LRRK2: variants seen among roughly 807,000 people sequenced by gnomAD.
LRRK2 encodes the protein leucine-rich repeat serine/threonine-protein kinase 2.
Under a neutral mutation model 302.6 loss-of-function variants are expected in LRRK2, and 203 were observed. The observed-to-expected ratio is 0.67, with a 90% confidence interval of 0.60 to 0.75. LRRK2 has a LOEUF of 0.75. Among genes scored for constraint, LRRK2 ranks in the 30% least tolerant of loss-of-function variants. The pLI, the probability that LRRK2 is intolerant of heterozygous loss-of-function variation, is 0.00. For missense variants in LRRK2, 2,830 were observed against 2,951.0 expected (o/e 0.96, Z 0.95); for synonymous variants, 1,066 against 1,031.9 (o/e 1.03, Z -0.63).
intron 41 of LRRK2, among the ~76,000 whole-genome samples, chr12:40,341,804 C>T (rs751926130): frequency 3.3e-5 from 5 of 152,190 alleles, no homozygotes; most frequent in Non-Finnish European, 5.9e-5. Context: ...TCTATAGTCT[C>T]TCCTAAACCA....
chr12:40,335,104 C>A lies in LRRK2; in HGVS notation c.5895C>A (p.Ser1965Arg). The change falls in exon 40 of 51, where the codon AGC (serine) becomes AGA (arginine). Residue 1965 changes from serine (S) to arginine (R), a missense_variant. Physicochemically the swap from Ser to Arg is moderately radical, Grantham distance 110 (BLOSUM62 -1). Around this residue, in one of 3 missense-constraint regions of LRRK2, gnomAD observed 253 missense variants for 346.7 expected, o/e 0.73. Transcript: ENST00000298910. ...LDRLLQQDKA[S>R]LTRTLQHRIA... ...GCCTGCTTCAGCAGGACAAAGCCAG[C>A]CTCACTAGAACCCTACAGCACAGGA... 1 of 1,614,042 alleles carries A rather than the reference C, an allele frequency of 6.2e-7. No homozygotes were observed. Among genetic ancestry groups the A allele is most frequent in the Admixed American group, 1.7e-5 (1 of 59,994 alleles).
intron 39 of LRRK2, among the ~76,000 whole-genome samples, chr12:40,334,343 C>A (rs924662758): frequency 1.3e-5 from 2 of 152,136 alleles, no homozygotes; most frequent in African/African-American, 4.8e-5. Flanking sequence ...GTACAGTTGA[C>A]CCTTGAAAAA....
intron 4 of LRRK2, among the ~76,000 whole-genome samples, chr12:40,236,291 A>G (rs970898295): frequency 6.6e-6 from 1 of 152,150 alleles, no homozygotes; most frequent in Non-Finnish European, 1.5e-5. Context: ...GAATCTGAAA[A>G]CACCCCTTGA....
intron 49 of LRRK2, chr12:40,366,357 C>G (rs1044284536): frequency 3.9e-5 from 6 of 151,920 alleles, no homozygotes; most frequent in African/African-American, 1.5e-4. Flanking sequence ...GGTCAAAGTT[C>G]CCGCTTTGGG....
At chr12:40,280,883 G>A (rs147452939) in intron 18 of LRRK2, among the ~76,000 whole-genome samples, 1,521 of 151,418 alleles carry the variant, frequency 0.01, 28 homozygotes, top group African/African-American at 0.035. Flanking sequence ...TGGCTAACCC[G>A]GTGAAACCTT....
intron 10 of LRRK2, 22 bp downstream of exon 10, chr12:40,251,566 T>G: frequency 6.4e-7 from 1 of 1,570,850 alleles, no homozygotes; most frequent in South Asian, 1.1e-5. Flanking sequence ...TGATTTTATA[T>G]GATAGAAAAT....
rs373994974 is a variant in LRRK2 at position 40,314,301 on chromosome 12, A to AT, written c.4738+135dup. 17 of 946,682 alleles carry AT rather than the reference A, an allele frequency of 1.8e-5. No individual in the cohort carries two copies. In the East Asian group the frequency reaches 2.9e-4, roughly 16 times the overall value. The allele number at this position is 946,682 out of a possible 1,614,324, so 58.6% of individuals were successfully genotyped here. A position where few individuals can be genotyped will look rare whatever the true frequency, so the allele number is the denominator to read the frequency against. ...CATACGGTTCTTTAATAGGCCACTG[A>AT]TTTTTTTCTTTTTGGAAGATCATCA... On this transcript the variant is annotated intron_variant, in intron 32 of 50. Coordinates refer to ENST00000298910, the MANE Select transcript of LRRK2 (RefSeq NM_198578.4).
intron 25 of LRRK2, among the ~76,000 whole-genome samples, chr12:40,302,109 C>T (rs1355811414): frequency 6.6e-6 from 1 of 151,876 alleles, no homozygotes; most frequent in Admixed American, 6.6e-5. Context: ...ACCTGGGAGG[C>T]GGAGATTGCA....
intron 20 of LRRK2, among the ~76,000 whole-genome samples, chr12:40,289,709 G>A (rs1257205001): frequency 1.3e-5 from 2 of 151,470 alleles, no homozygotes; most frequent in African/African-American, 2.4e-5. Context: ...AGATGGTATT[G>A]TATTTGAATT....
intron 39 of LRRK2, among the ~76,000 whole-genome samples, chr12:40,333,665 A>G (rs1193108648): frequency 6.7e-6 from 1 of 150,024 alleles, no homozygotes; most frequent in African/African-American, 2.4e-5. Context: ...CCAAGCCAAA[A>G]TGATATCTCG....
At chr12:40,281,927 AAGG>A (rs1943713234) in intron 18 of LRRK2, among the ~76,000 whole-genome samples, 1 of 152,178 alleles carries the variant, frequency 6.6e-6, no homozygotes, top group African/African-American at 2.4e-5. Context: ...AGTACAAAGT[AAGG>A]AGTGAATGGC....
chr12:40,335,091 A>G lies in LRRK2; in HGVS notation c.5882A>G (p.Gln1961Arg), dbSNP rs769548285. 3.7e-6 allele frequency: 6 copies of G among 1,613,966 alleles called. No individual in the cohort carries two copies. In the Admixed American group the frequency reaches 8.3e-5, roughly 22 times the overall value. ...GGTTCCTTGGATCGCCTGCTTCAGC[A>G]GGACAAAGCCAGCCTCACTAGAACC... The part of the protein sequence containing the change: ...SKGSLDRLLQ[Q>R]DKASLTRTLQ... Residue 1961 changes from glutamine to arginine, a missense_variant, in exon 40 of 51, where the codon CAG (glutamine) becomes CGG (arginine). Transcript: ENST00000298910.
chr12:40,339,504 T>C (rs1945972062), intron 40 of LRRK2, among the ~76,000 whole-genome samples: 1 of 152,220 alleles, frequency 6.6e-6, no homozygotes. Context: ...TTTTACTCTT[T>C]GCCTGAAATG....
chr12:40,309,318 T>C, intron 30 of LRRK2, 85 bp downstream of exon 30: 1 of 1,502,432 alleles, frequency 6.7e-7, no homozygotes, highest in Non-Finnish European at 9.0e-7. Flanking sequence ...TAATTTATTT[T>C]GGGCAAACAA....
chr12:40,268,768 A>G (rs937132482), intron 14 of LRRK2, among the ~76,000 whole-genome samples: 15 of 152,158 alleles, frequency 9.9e-5, no homozygotes, highest in Admixed American at 9.2e-4. Context: ...AGTAATTATA[A>G]TGGTGTGATA....
Position 40,293,576 on chromosome 12 carries a change from A to C in LRRK2, c.2721A>C (p.Lys907Asn), listed in dbSNP as rs1310628206. The part of the protein sequence containing the change: ...GSEGSFLVKK[K>N]SNSISVGEFY... ...AAGGCTCATTTCTTGTGAAAAAGAAATCTAATTCAATTAGTGTAGGAGAAT... is the reference window on the plus strand; with the variant it reads ...AAGGCTCATTTCTTGTGAAAAAGAACTCTAATTCAATTAGTGTAGGAGAAT... Residue 907 changes from lysine to asparagine, a missense_variant, in exon 21 of 51, where the codon AAA (lysine) becomes AAC (asparagine). Coordinates refer to ENST00000298910, the MANE Select transcript of LRRK2 (RefSeq NM_198578.4). The C allele has an allele frequency of 6.2e-7, 1 of 1,610,600 alleles. No individual in the cohort carries two copies.
At chr12:40,316,284 A>G (rs1434799316) in intron 33 of LRRK2, 7 of 983,152 alleles carry the variant, frequency 7.1e-6, no homozygotes, top group Non-Finnish European at 7.2e-6. Flanking sequence ...TAAGGAAAAA[A>G]AGGAAGCTAT....
intron 43 of LRRK2, 53 bp downstream of exon 43, chr12:40,348,562 C>A: frequency 9.5e-7 from 1 of 1,051,560 alleles, no homozygotes; most frequent in Non-Finnish European, 1.5e-6. Flanking sequence ...TGCATATATG[C>A]ATATATATAT....
At chr12:40,334,910 G>A (rs1160882901) in intron 39 of LRRK2, 57 bp from the exon 40 acceptor site, 1 of 1,575,354 alleles carries the variant, frequency 6.3e-7, no homozygotes, top group Non-Finnish European at 8.7e-7. Flanking sequence ...TAAAGAAGGA[G>A]ATACGTGGGT....
Sources: gnomAD v4.1 joint callset for allele counts (sites outside exome capture counted in the v4.1 genomes callset) on GRCh38, gnomAD v4.1.1 for gene constraint, gnomAD v4.1.1 regional missense constraint, MANE v1.5 for transcripts, NCBI Gene and HGNC (gene_info 2026-07-23, HGNC 2026-07-21) for gene names.